The following B4GALNT3 variants were observed in gnomAD, a reference collection of about 807,000 sequenced individuals.
B4GALNT3 encodes the protein beta-1,4-N-acetyl-galactosaminyltransferase 3.
Under a neutral mutation model 120.2 loss-of-function variants are expected in B4GALNT3, and 86 were observed. That is an observed-to-expected ratio of 0.72 (90% CI 0.60 to 0.86). B4GALNT3 has a LOEUF of 0.86. B4GALNT3 is among the 40% of genes least tolerant of loss of function. The pLI is 0.00. For missense variants in B4GALNT3, 1,167 were observed against 1,298.9 expected, an observed-to-expected ratio of 0.90 and a Z score of 1.56; for synonymous variants, 518 against 510.4, an observed-to-expected ratio of 1.01 and a Z score of -0.20.
chr12:519,233 C>T (rs761979578), intron 1 of B4GALNT3, among the ~76,000 whole-genome samples: 9 of 152,186 alleles, frequency 5.9e-5, no homozygotes, highest in Non-Finnish European at 1.3e-4. Context: ...AGATGGAAAA[C>T]ATATTCCCCT....
At chr12:496,747 CT>C (rs146152186) in intron 1 of B4GALNT3, among the ~76,000 whole-genome samples, 7,645 of 152,314 alleles carry the variant, frequency 0.05, 275 homozygotes, top group East Asian at 0.17. Context: ...ACTCCTTCCC[CT>C]TCCTCAGACC....
chr12:556,928 C>G (rs1444947254), intron 15 of B4GALNT3, 62 bp downstream of exon 15: 1 of 1,510,434 alleles, frequency 6.6e-7, no homozygotes, highest in African/African-American at 1.4e-5. Context: ...TCAGGAGCAC[C>G]CACATCTGCT....
chr12:521,407 C>T (rs1946707661), intron 1 of B4GALNT3, among the ~76,000 whole-genome samples: 3 of 152,182 alleles, frequency 2.0e-5, no homozygotes, highest in South Asian at 2.1e-4. Flanking sequence ...GATCTAATCA[C>T]TGCCGTGGTT....
At chr12:486,642 G>A (rs1035359215) in intron 1 of B4GALNT3, among the ~76,000 whole-genome samples, 2 of 152,128 alleles carry the variant, frequency 1.3e-5, no homozygotes, top group Non-Finnish European at 2.9e-5. Context: ...TCTAGAGTGG[G>A]GAGAAGTCTG....
intron 17 of B4GALNT3, 64 bp downstream of exon 17, chr12:558,152 T>C (rs1163124876): frequency 6.4e-7 from 1 of 1,559,026 alleles, no homozygotes; most frequent in East Asian, 2.2e-5. Flanking sequence ...AGAGAGACAT[T>C]TGGGGTAAAT....
At chr12:558,769 G>A in intron 18 of B4GALNT3, 108 bp downstream of exon 18, 1 of 1,188,300 alleles carries the variant, frequency 8.4e-7, no homozygotes, top group Non-Finnish European at 1.2e-6. Flanking sequence ...CTCCTCCCCT[G>A]CCCCACCCTG....
chr12:524,675 A>G (rs1946745214), intron 1 of B4GALNT3, among the ~76,000 whole-genome samples: 1 of 152,078 alleles, frequency 6.6e-6, no homozygotes, highest in South Asian at 2.1e-4. Context: ...AAGAAAACAA[A>G]CGAGTTAAAT....
Position 558,670 on chromosome 12 carries a change from T to C in B4GALNT3, c.2761+9T>C, listed in dbSNP as rs777915134. ...CCCCCAGTGGCCTGAGGGTGAGCCC[T>C]GCTCAGACTGGGGAGGGAGGAAAGA... On this transcript the variant is annotated intron_variant, in intron 18 of 19. Transcript: ENST00000266383. 35 of 1,613,222 alleles carry C rather than the reference T, an allele frequency of 2.2e-5. No individual in the cohort carries two copies. Among genetic ancestry groups the C allele is most frequent in the South Asian group, 1.9e-4 (17 of 91,070 alleles).
chr12:556,419 C>A, intron 14 of B4GALNT3, 128 bp from the exon 15 acceptor site: 1 of 871,006 alleles, frequency 1.1e-6, no homozygotes, highest in Non-Finnish European at 1.8e-6. Flanking sequence ...GCCCTATAGC[C>A]AGCCAGTGGC....
chr12:509,649 C>G (rs1217232708), intron 1 of B4GALNT3, among the ~76,000 whole-genome samples: 1 of 152,172 alleles, frequency 6.6e-6, no homozygotes, highest in Non-Finnish European at 1.5e-5. Context: ...TGCGGTTCCA[C>G]TCCAGGACAG....
intron 1 of B4GALNT3, among the ~76,000 whole-genome samples, chr12:527,839 G>T (rs1946771210): frequency 6.6e-6 from 1 of 152,074 alleles, no homozygotes; most frequent in East Asian, 1.9e-4. Flanking sequence ...AATAGAGTTG[G>T]GTCTCCACAC....
chr12:556,733 C>T lies in B4GALNT3; in HGVS notation c.2247C>T (p.Asn749=), dbSNP rs201583507. 1.9e-6 allele frequency: 3 copies of T among 1,612,758 alleles called. No homozygotes were observed. Among genetic ancestry groups the T allele is most frequent in the South Asian group, 2.2e-5 (2 of 90,918 alleles). ...PAGGEEVEAR[N]LQGLVWDPHN... ...GTGGGGAGGAGGTCGAGGCCCGGAA[C>T]CTGCAAGGCCTGGTCTGGGACCCAC... Residue 749 remains asparagine (N), a synonymous_variant, in exon 15 of 20, where the codon AAC becomes AAT. Coordinates refer to ENST00000266383, the MANE Select transcript of B4GALNT3 (RefSeq NM_173593.4).
At chr12:482,313 A>G (rs762474497) in intron 1 of B4GALNT3, among the ~76,000 whole-genome samples, 5 of 152,206 alleles carry the variant, frequency 3.3e-5, no homozygotes, top group Non-Finnish European at 5.9e-5. Flanking sequence ...CAGTCCATGT[A>G]TGCCAAGTCC....
intron 7 of B4GALNT3, among the ~76,000 whole-genome samples, chr12:547,561 G>T (rs931337819): frequency 6.6e-6 from 1 of 152,168 alleles, no homozygotes; most frequent in Non-Finnish European, 1.5e-5. Context: ...TGGTGGGTAC[G>T]CCGTGTGCAG....
At chr12:506,146 G>A (rs1946495204) in intron 1 of B4GALNT3, among the ~76,000 whole-genome samples, 1 of 152,024 alleles carries the variant, frequency 6.6e-6, no homozygotes, top group African/African-American at 2.4e-5. Flanking sequence ...TCATTAGGCA[G>A]GCTTTATTAT....
chr12:544,672 C>T (rs1319064753), intron 4 of B4GALNT3, among the ~76,000 whole-genome samples: 1 of 152,162 alleles, frequency 6.6e-6, no homozygotes, highest in African/African-American at 2.4e-5. Flanking sequence ...TACCCAGGGC[C>T]ACCATGTACA....
At chr12:475,608 C>T (rs1445820729) in intron 1 of B4GALNT3, among the ~76,000 whole-genome samples, 9 of 152,138 alleles carry the variant, frequency 5.9e-5, no homozygotes, top group African/African-American at 2.4e-5. Flanking sequence ...TGACATCCCT[C>T]TGCTTGTCTT....
chr12:466,972 AC>A lies in B4GALNT3; in HGVS notation c.169+6431del, dbSNP rs539976616. Among the ~76,000 whole-genome samples, 15 of 152,256 alleles carry A rather than the reference AC, an allele frequency of 9.9e-5. 1 individual carries two copies. In the East Asian group the frequency reaches 2.7e-3, roughly 27 times the overall value. The stretch of plus-strand genomic sequence containing the variant: ...GATGAAGACACAGAGTATTACCAGT[AC>A]CCCAGTACCCCGGTGGGGGCGGTGC... On this transcript the variant is annotated intron_variant, in intron 1 of 19. Coordinates refer to ENST00000266383, the MANE Select transcript of B4GALNT3 (RefSeq NM_173593.4).
chr12:546,396 G>A (rs546207429), intron 6 of B4GALNT3, among the ~76,000 whole-genome samples: 9 of 152,138 alleles, frequency 5.9e-5, no homozygotes, highest in African/African-American at 1.7e-4. Flanking sequence ...GGCCTTGGCC[G>A]GGTGCTGACT....
Sources: allele counts gnomAD v4.1 joint callset (sites outside exome capture counted in the v4.1 genomes callset), GRCh38; gene constraint gnomAD v4.1.1; transcripts MANE v1.5; gene names NCBI Gene and HGNC (gene_info 2026-07-23, HGNC 2026-07-21).